The following CAGE1 variants were observed in gnomAD, a reference collection of about 807,000 sequenced individuals.
CAGE1 encodes cancer antigen 1, also known as cancer-associated gene 1 protein.
In CAGE1, 66 loss-of-function variants were observed where a neutral mutation model predicts 94.9. The ratio of observed to expected loss-of-function variants is 0.70; its 90% CI spans 0.57 to 0.85. The LOEUF (loss-of-function observed/expected upper bound fraction) is 0.85, where lower values mean the gene tolerates loss of function less well. CAGE1 is among the 40% of genes least tolerant of loss of function. CAGE1 has a pLI of 0.00. For missense variants in CAGE1, 865 were observed against 950.4 expected, an observed-to-expected ratio of 0.91 and a Z score of 1.18; for synonymous variants, 319 against 321.0, an observed-to-expected ratio of 0.99 and a Z score of 0.07.
At chr6:7,388,463 GT>G (rs1265944588) in intron 1 of CAGE1, among the ~76,000 whole-genome samples, 1 of 152,134 alleles carries the variant, frequency 6.6e-6, no homozygotes, top group African/African-American at 2.4e-5. Flanking sequence ...CTTCACCACT[GT>G]TTCAAGGGTG....
chr6:7,334,495 G>A (rs577919686), intron 11 of CAGE1, among the ~76,000 whole-genome samples: 1 of 152,248 alleles, frequency 6.6e-6, no homozygotes, highest in African/African-American at 2.4e-5. Context: ...TTGGGAGGCT[G>A]AGGCAGGCGA....
intron 11 of CAGE1, among the ~76,000 whole-genome samples, chr6:7,345,162 T>C (rs1217717034): frequency 8.7e-6 from 1 of 114,376 alleles, no homozygotes; most frequent in Non-Finnish European, 1.8e-5. Flanking sequence ...CATATTGCTT[T>C]TAGGAGCTAT....
In CAGE1 at chr6:7,378,966, ATGG is replaced by A; in HGVS notation, c.335_337del (p.Thr112del). On this transcript the variant is annotated inframe_deletion, in exon 4 of 14. Coordinates refer to ENST00000502583, the MANE Select transcript of CAGE1 (RefSeq NM_001170692.2). Reference sequence around the variant, plus strand: ...AAATTGTCTCAAGGAAGATATGCTGATGGTGTCAACTGGCTGAATTAGTGCATT... The same window carrying A: ...AAATTGTCTCAAGGAAGATATGCTGATGTCAACTGGCTGAATTAGTGCATT... 6.4e-7 allele frequency: 1 copy of A among 1,571,662 alleles called. No individual in the cohort carries two copies.
intron 12 of CAGE1, among the ~76,000 whole-genome samples, chr6:7,333,422 C>T (rs1758821665): frequency 6.6e-6 from 1 of 151,946 alleles, no homozygotes; most frequent in Non-Finnish European, 1.5e-5. Flanking sequence ...AAAATCTTAG[C>T]CCATAATCTT....
At chr6:7,352,071 T>C (rs183946414) in intron 11 of CAGE1, among the ~76,000 whole-genome samples, 6 of 152,190 alleles carry the variant, frequency 3.9e-5, no homozygotes, top group Admixed American at 1.3e-4. Context: ...GGCACCCAAA[T>C]TGGCAAAGAG....
chr6:7,342,065 T>C, intron 11 of CAGE1: 1 of 917,650 alleles, frequency 1.1e-6, no homozygotes, highest in Non-Finnish European at 1.8e-6. Flanking sequence ...TCCTGGAAGC[T>C]CGACTAATAG....
intron 11 of CAGE1, among the ~76,000 whole-genome samples, chr6:7,335,469 A>G (rs1324749743): frequency 6.6e-6 from 1 of 152,256 alleles, no homozygotes; most frequent in Non-Finnish European, 1.5e-5. Flanking sequence ...CAAACCAAAG[A>G]GCATACACTC....
At position 7,342,001 on chromosome 6, in the gene CAGE1, A is replaced by G. The variant is rs953288566; in HGVS notation, c.2370-7911T>C. ...GTTCTCACTGGTGCCAAGGTTAACGAAGCTCAAGGTGTTCTTGTCCTTATG... is the reference window on the plus strand; with the variant it reads ...GTTCTCACTGGTGCCAAGGTTAACGGAGCTCAAGGTGTTCTTGTCCTTATG... On this transcript the variant is annotated intron_variant, in intron 11 of 13. Transcript: ENST00000502583. The G allele has an allele frequency of 3.4e-5, 27 of 789,520 alleles. No homozygotes were observed. In the Admixed American group the frequency reaches 4.7e-4, roughly 14 times the overall value. 48.9% of individuals were successfully genotyped at this position (789,520 alleles called of 1,614,324 possible). A position where few individuals can be genotyped will look rare whatever the true frequency, so the allele number is the denominator to read the frequency against.
chr6:7,334,588 C>T (rs1428939162), intron 11 of CAGE1, among the ~76,000 whole-genome samples: 1 of 151,766 alleles, frequency 6.6e-6, no homozygotes, highest in African/African-American at 2.4e-5. Context: ...ATTAGCCGGG[C>T]ATGGTGGCAC....
At chr6:7,352,324 A>T (rs1268644047) in intron 11 of CAGE1, among the ~76,000 whole-genome samples, 2 of 150,818 alleles carry the variant, frequency 1.3e-5, no homozygotes, top group Non-Finnish European at 3.0e-5. Flanking sequence ...AACAAAAAAA[A>T]AAAACCTAAC....
At position 7,332,311 on chromosome 6, in the gene CAGE1, T is replaced by C. The variant is rs986251747; in HGVS notation, c.2438+1711A>G. Reference sequence around the variant, plus strand: ...GGAGCTTGCCGTTGCTGGGGATCTCTGTCCTGCAGTTCCCAGGACCTACGC... The same window carrying C: ...GGAGCTTGCCGTTGCTGGGGATCTCCGTCCTGCAGTTCCCAGGACCTACGC... On this transcript the variant is annotated intron_variant, in intron 12 of 13. Coordinates refer to ENST00000502583, the MANE Select transcript of CAGE1 (RefSeq NM_001170692.2). 5.9e-5 allele frequency among the ~76,000 whole-genome samples: 9 copies of C among 152,328 alleles called. 1 individual carries two copies. The South Asian group carries it at 1.9e-3, about 32-fold the overall frequency.
Position 7,343,881 on chromosome 6 carries a change from G to T in CAGE1, c.2370-9791C>A, listed in dbSNP as rs977791900. ...ATGTAATGATTGTGATGGGGACAAA[G>T]ATAGAACAAGTCTCATTTTGTAGGC... On this transcript the variant is annotated intron_variant, in intron 11 of 13. Transcript: ENST00000502583. 4.6e-4 allele frequency among the ~76,000 whole-genome samples: 70 copies of T among 152,268 alleles called. 1 individual carries two copies. The highest frequency in any genetic ancestry group is 1.6e-3 in the African/African-American group (67 of 41,558).
intron 13 of CAGE1, chr6:7,329,275 AAAAG>A: frequency 5.2e-6 from 2 of 387,066 alleles, no homozygotes; most frequent in Non-Finnish European, 9.2e-6. Context: ...AACTAAAAAG[AAAAG>A]AAAAAAAAAT....
rs1761254949 is a variant in CAGE1 at position 7,389,358 on chromosome 6, G to A, written c.-180C>T. On this transcript the variant is annotated 5_prime_UTR_variant, in exon 1 of 14. Coordinates refer to ENST00000502583, the MANE Select transcript of CAGE1 (RefSeq NM_001170692.2). ...CCCTCTGCACCGGGTTTTGTGGGAG[G>A]GAGAACGCTTTCCAACCTCCTCCAC... is the stretch of plus-strand genomic sequence containing the variant. 1 of 456,010 alleles carries A rather than the reference G, an allele frequency of 2.2e-6. No individual in the cohort carries two copies. Among genetic ancestry groups the A allele is most frequent in the African/African-American group, 2.0e-5 (1 of 50,170 alleles). 28.2% of individuals were successfully genotyped at this position (456,010 alleles called of 1,614,324 possible). A position where few individuals can be genotyped will look rare whatever the true frequency, so the allele number is the denominator to read the frequency against.
intron 6 of CAGE1, among the ~76,000 whole-genome samples, 161 bp downstream of exon 6, chr6:7,369,758 G>A (rs1729656960): frequency 6.6e-6 from 1 of 152,142 alleles, no homozygotes; most frequent in Non-Finnish European, 1.5e-5. Context: ...AGAAGACATG[G>A]GGCGAAGAAG....
chr6:7,337,298 G>C (rs1758988417), intron 11 of CAGE1, among the ~76,000 whole-genome samples: 1 of 141,072 alleles, frequency 7.1e-6, no homozygotes, highest in Non-Finnish European at 1.5e-5. Flanking sequence ...CTGCCCTCCA[G>C]CCTGGGTGAC....
chr6:7,360,713 G>A (rs1328838662), intron 9 of CAGE1, among the ~76,000 whole-genome samples: 1 of 152,160 alleles, frequency 6.6e-6, no homozygotes, highest in African/African-American at 2.4e-5. Context: ...GGAGGCCAAG[G>A]CGGGTGAATC....
chr6:7,331,615 CT>C, intron 12 of CAGE1: 1 of 292,074 alleles, frequency 3.4e-6, no homozygotes. Flanking sequence ...GTATGCAACT[CT>C]ACGCTGTTTA....
chr6:7,345,310 C>T (rs889006880), intron 11 of CAGE1, among the ~76,000 whole-genome samples: 4 of 152,138 alleles, frequency 2.6e-5, no homozygotes, highest in South Asian at 2.1e-4. Flanking sequence ...AGTTTTATTT[C>T]TGAACCAGCG....
Sources: gnomAD v4.1 joint callset for allele counts (sites outside exome capture counted in the v4.1 genomes callset) on GRCh38, gnomAD v4.1.1 for gene constraint, MANE v1.5 for transcripts, NCBI Gene and HGNC (gene_info 2026-07-23, HGNC 2026-07-21) for gene names.